Variants in CNTN4 observed in about 807,000 individuals in gnomAD.
The protein encoded by CNTN4 is contactin 4.
Under a neutral mutation model 122.5 loss-of-function variants are expected in CNTN4, and 77 were observed. The observed-to-expected ratio is 0.63, with a 90% CI of 0.52 to 0.76. The LOEUF (loss-of-function observed/expected upper bound fraction) is 0.76. CNTN4 is among the 30% of genes least tolerant of loss of function. The pLI, the probability that CNTN4 is intolerant of heterozygous loss-of-function variation, is 0.00. For missense variants in CNTN4, 1,256 were observed against 1,259.1 expected (o/e 1.00, Z 0.04); for synonymous variants, 512 against 447.0 (o/e 1.15, Z -1.83).
intron 4 of CNTN4, among the ~76,000 whole-genome samples, chr3:2,644,583 C>G (rs1325570698): frequency 6.6e-6 from 1 of 151,034 alleles, no homozygotes; most frequent in African/African-American, 2.4e-5. Context: ...TGCAAAATAC[C>G]TCTATCTAAA....
At chr3:2,896,026 C>G (rs1161260412) in intron 10 of CNTN4, among the ~76,000 whole-genome samples, 1 of 152,016 alleles carries the variant, frequency 6.6e-6, no homozygotes, top group African/African-American at 2.4e-5. Flanking sequence ...GAGCCAGACT[C>G]TGTCTCAAAA....
chr3:2,340,710 T>TATAGAGAGAGAGAGAG lies in CNTN4; in HGVS notation c.-89+1478_-89+1479insTAGAGAGAGAGAGAGA. ...TTATATATATATATATATATATATA[T>TATAGAGAGAGAGAGAG]AGAGAGAGAGAGAGAGAGAGAGAGA... On this transcript the variant is annotated intron_variant, in intron 3 of 24. Transcript: ENST00000418658. Among the ~76,000 whole-genome samples the TATAGAGAGAGAGAGAG allele has an allele frequency of 4.2e-3, 76 of 18,298 alleles. 3 individuals carry two copies. The highest frequency in any genetic ancestry group is 8.4e-3 in the Non-Finnish European group (52 of 6,154). The allele number at this position is 18,298 out of a possible 152,430, so 12.0% of individuals were successfully genotyped here.
chr3:2,747,209 A>G (rs975636822), intron 6 of CNTN4, among the ~76,000 whole-genome samples: 4 of 152,050 alleles, frequency 2.6e-5, no homozygotes, highest in Non-Finnish European at 4.4e-5. Context: ...GGAGATCGAG[A>G]CCATCCTGGC....
intron 2 of CNTN4, among the ~76,000 whole-genome samples, chr3:2,223,572 CAGAGT>C (rs1030150168): frequency 1.6e-4 from 24 of 152,270 alleles, no homozygotes; most frequent in African/African-American, 5.8e-4. Flanking sequence ...AAAGAGTTGA[CAGAGT>C]AGGCCTGATA....
At chr3:2,497,052 G>A (rs1250786868) in intron 3 of CNTN4, among the ~76,000 whole-genome samples, 1 of 152,140 alleles carries the variant, frequency 6.6e-6, no homozygotes, top group African/African-American at 2.4e-5. Context: ...TGCCCACATT[G>A]ATGAGGGCAG....
chr3:3,027,214 G>T (rs1413987289), intron 15 of CNTN4, among the ~76,000 whole-genome samples: 1 of 152,154 alleles, frequency 6.6e-6, no homozygotes, highest in Non-Finnish European at 1.5e-5. Context: ...CAGGGTTTTT[G>T]CAGTTGAGTC....
chr3:2,384,091 A>G (rs1032449526), intron 3 of CNTN4, among the ~76,000 whole-genome samples: 3 of 152,188 alleles, frequency 2.0e-5, no homozygotes, highest in Non-Finnish European at 2.9e-5. Flanking sequence ...ATTAGGGCCT[A>G]CTTTATACGG....
rs539432633 is a variant in CNTN4, at chr3:2,357,239, T to C, written c.-89+18006T>C. Among the ~76,000 whole-genome samples, 36 of 152,046 alleles carry C rather than the reference T, an allele frequency of 2.4e-4. 2 individuals carry two copies. In the South Asian group the frequency reaches 6.8e-3, roughly 29 times the overall value. On this transcript the variant is annotated intron_variant, in intron 3 of 24. Coordinates refer to ENST00000418658, the MANE Select transcript of CNTN4 (RefSeq NM_175607.3). The stretch of plus-strand genomic sequence containing the variant: ...ACTGTTTTCATATCCAGAATCACTG[T>C]ACTTTTCAGAATAGAAATTAATAGT...
chr3:2,328,384 C>T (rs534317444), intron 2 of CNTN4, among the ~76,000 whole-genome samples: 12 of 151,498 alleles, frequency 7.9e-5, no homozygotes, highest in African/African-American at 1.7e-4. Context: ...CCAGCCTGGG[C>T]GACAGAGCGA....
At chr3:2,958,849 G>A (rs538043548) in intron 13 of CNTN4, among the ~76,000 whole-genome samples, 6 of 152,298 alleles carry the variant, frequency 3.9e-5, no homozygotes, top group African/African-American at 9.6e-5. Flanking sequence ...AACCTAGGAA[G>A]TCTAGATTTT....
intron 3 of CNTN4, among the ~76,000 whole-genome samples, chr3:2,374,202 T>C (rs1318568382): frequency 6.6e-6 from 1 of 152,118 alleles, no homozygotes; most frequent in Admixed American, 6.5e-5. Context: ...TGTCCATAGA[T>C]TGTGGAATGA....
At chr3:2,842,252 A>G (rs2093375100) in intron 7 of CNTN4, among the ~76,000 whole-genome samples, 1 of 152,134 alleles carries the variant, frequency 6.6e-6, no homozygotes, top group African/African-American at 2.4e-5. Context: ...AATCCAAGTA[A>G]GAGATATTGG....
intron 3 of CNTN4, among the ~76,000 whole-genome samples, chr3:2,380,908 T>A (rs2045993120): frequency 6.6e-6 from 1 of 152,210 alleles, no homozygotes; most frequent in Admixed American, 6.5e-5. Flanking sequence ...TATGTGTTTT[T>A]CTATTTTCTG....
chr3:2,303,958 AT>A (rs1273587100), intron 2 of CNTN4, among the ~76,000 whole-genome samples: 1 of 152,060 alleles, frequency 6.6e-6, no homozygotes, highest in Non-Finnish European at 1.5e-5. Context: ...TCACCTTTGG[AT>A]TTTTCATTTT....
At chr3:2,585,439 CA>C (rs1223833749) in intron 4 of CNTN4, among the ~76,000 whole-genome samples, 7 of 152,002 alleles carry the variant, frequency 4.6e-5, no homozygotes, top group Admixed American at 4.6e-4. Context: ...GGAACCAACC[CA>C]AATGTCCATC....
chr3:3,001,538 T>A (rs1278729163), intron 14 of CNTN4, among the ~76,000 whole-genome samples: 1 of 152,198 alleles, frequency 6.6e-6, no homozygotes, highest in African/African-American at 2.4e-5. Flanking sequence ...GTCAGAGTGT[T>A]TAAACCTTTT....
At chr3:2,191,062 TC>T (rs1310811794) in intron 2 of CNTN4, among the ~76,000 whole-genome samples, 1 of 152,026 alleles carries the variant, frequency 6.6e-6, no homozygotes, top group East Asian at 1.9e-4. Context: ...TATCCTCATC[TC>T]AAGCTTACTG....
At chr3:2,347,475 TC>T (rs1248001945) in intron 3 of CNTN4, among the ~76,000 whole-genome samples, 1 of 135,696 alleles carries the variant, frequency 7.4e-6, no homozygotes, top group East Asian at 2.4e-4. Context: ...AGTGGCACCA[TC>T]TCGGCTGACT....
At chr3:2,340,737 A>AGAGAGG (rs1168402469) in intron 3 of CNTN4, among the ~76,000 whole-genome samples, 3 of 133,172 alleles carry the variant, frequency 2.3e-5, no homozygotes, top group African/African-American at 8.1e-5. Flanking sequence ...AGAGAGAGAG[A>AGAGAGG]GAGTCAGAAA....
Sources: allele counts gnomAD v4.1 joint callset (sites outside exome capture counted in the v4.1 genomes callset), GRCh38; gene constraint gnomAD v4.1.1; transcripts MANE v1.5; gene names NCBI Gene and HGNC (gene_info 2026-07-23, HGNC 2026-07-21).